SHROOM3: variants seen among roughly 807,000 people sequenced by gnomAD.
The protein encoded by SHROOM3 is shroom family member 3, also known as protein Shroom3.
SHROOM3 carries 47 observed loss-of-function variants against 138.6 expected under a neutral mutation model. The ratio of observed to expected loss-of-function variants is 0.34; its 90% confidence interval spans 0.27 to 0.43. The LOEUF (loss-of-function observed/expected upper bound fraction) is 0.43. Among genes scored for constraint, SHROOM3 ranks in the 20% least tolerant of loss-of-function variants. SHROOM3 has a pLI of 1.00. For synonymous variants in SHROOM3, 1,062 were observed against 1,063.3 expected (o/e 1.00, Z 0.02); for missense variants, 2,491 against 2,596.5 (o/e 0.96, Z 0.88).
chr4:76,556,872 T>C (rs1253400702), intron 2 of SHROOM3, among the ~76,000 whole-genome samples: 1 of 152,188 alleles, frequency 6.6e-6, no homozygotes, highest in Non-Finnish European at 1.5e-5. Context: ...AACACAGCGA[T>C]GACTGTGGTC....
At chr4:76,634,274 A>C (rs1735428113) in intron 2 of SHROOM3, among the ~76,000 whole-genome samples, 1 of 152,156 alleles carries the variant, frequency 6.6e-6, no homozygotes, top group African/African-American at 2.4e-5. Context: ...TTTCCTGAGG[A>C]GTAATAAGCC....
intron 2 of SHROOM3, among the ~76,000 whole-genome samples, chr4:76,619,171 G>A (rs1734946156): frequency 6.6e-6 from 1 of 152,066 alleles, no homozygotes; most frequent in Admixed American, 6.6e-5. Context: ...CTTTTAATCT[G>A]GAACATGTGC....
chr4:76,763,943 G>T (rs1722068129), intron 9 of SHROOM3, among the ~76,000 whole-genome samples: 1 of 152,042 alleles, frequency 6.6e-6, no homozygotes, highest in African/African-American at 2.4e-5. Context: ...AATGATACTT[G>T]GTCAATATCC....
At chr4:76,683,088 A>G (rs1198757156) in intron 2 of SHROOM3, among the ~76,000 whole-genome samples, 1 of 152,240 alleles carries the variant, frequency 6.6e-6, no homozygotes, top group Non-Finnish European at 1.5e-5. Flanking sequence ...AGCCTCTGAT[A>G]ACAAGTATCA....
At chr4:76,436,727 G>T (rs1206320484) in intron 1 of SHROOM3, among the ~76,000 whole-genome samples, 1 of 152,114 alleles carries the variant, frequency 6.6e-6, no homozygotes, top group East Asian at 1.9e-4. Context: ...CATAACTCAA[G>T]ATCAAAACAT....
intron 1 of SHROOM3, among the ~76,000 whole-genome samples, chr4:76,445,160 A>C (rs1001256036): frequency 3.3e-5 from 5 of 152,072 alleles, no homozygotes; most frequent in Non-Finnish European, 7.4e-5. Flanking sequence ...ACATAGTATA[A>C]GCTATGCAAT....
intron 2 of SHROOM3, among the ~76,000 whole-genome samples, chr4:76,669,778 A>G (rs1342846187): frequency 6.6e-6 from 1 of 152,226 alleles, no homozygotes; most frequent in African/African-American, 2.4e-5. Context: ...ACTAAGTCAC[A>G]GAGAATTGCT....
chr4:76,676,407 TAGG>T (rs1250401698), intron 2 of SHROOM3, among the ~76,000 whole-genome samples: 1 of 152,138 alleles, frequency 6.6e-6, no homozygotes, highest in African/African-American at 2.4e-5. Flanking sequence ...ACTTTTCATC[TAGG>T]AGGAAGATTT....
At chr4:76,514,727 A>C (rs187013757) in intron 1 of SHROOM3, among the ~76,000 whole-genome samples, 1 of 152,326 alleles carries the variant, frequency 6.6e-6, no homozygotes, top group East Asian at 1.9e-4. Flanking sequence ...AATATATTAA[A>C]CATTTAAAAT....
rs375629236 is a variant in SHROOM3 at position 76,770,823 on chromosome 4, C to T, written c.5547C>T (p.Leu1849=). The T allele has an allele frequency of 6.2e-7, 1 of 1,614,206 alleles. No individual in the cohort carries two copies. ...GDLDKVVNLL[L]SLSGRLARVE... is the part of the protein sequence containing the mutation. Reference sequence around the variant, plus strand: ...TGGACAAGGTGGTCAACCTGCTGCTCTCCCTCTCGGGGCGTCTAGCCCGTG... The same window carrying T: ...TGGACAAGGTGGTCAACCTGCTGCTTTCCCTCTCGGGGCGTCTAGCCCGTG... The change falls in exon 10 of 11, where the codon CTC becomes CTT. Residue 1849 remains leucine, a synonymous_variant. Coordinates refer to ENST00000296043, the MANE Select transcript of SHROOM3 (RefSeq NM_020859.4).
At chr4:76,539,437 G>A (rs1304769284) in intron 1 of SHROOM3, among the ~76,000 whole-genome samples, 1 of 152,054 alleles carries the variant, frequency 6.6e-6, no homozygotes, top group African/African-American at 2.4e-5. Flanking sequence ...TGCTTCTCAA[G>A]GTGTTTTATA....
At chr4:76,452,000 C>G (rs925563766) in intron 1 of SHROOM3, among the ~76,000 whole-genome samples, 6 of 152,072 alleles carry the variant, frequency 3.9e-5, no homozygotes, top group African/African-American at 1.4e-4. Context: ...GCCACCATGT[C>G]TAGCAGAAAT....
intron 2 of SHROOM3, among the ~76,000 whole-genome samples, chr4:76,602,288 A>G (rs1203347151): frequency 2.0e-5 from 3 of 152,206 alleles, no homozygotes; most frequent in East Asian, 3.8e-4. Flanking sequence ...AAAAAAAATT[A>G]CAAAGTCCTG....
chr4:76,662,713 C>T (rs1718563668), intron 2 of SHROOM3, among the ~76,000 whole-genome samples: 2 of 152,186 alleles, frequency 1.3e-5, no homozygotes, highest in South Asian at 4.1e-4. Flanking sequence ...CGTATACTTT[C>T]CTTCTAAAGA....
chr4:76,559,958 AAC>A (rs1379452648), intron 2 of SHROOM3, among the ~76,000 whole-genome samples: 4 of 152,196 alleles, frequency 2.6e-5, no homozygotes, highest in Non-Finnish European at 5.9e-5. Flanking sequence ...AGTGAAGGTT[AAC>A]AGCTAGTAGT....
Position 76,715,256 on chromosome 4 carries a change from A to G in SHROOM3, c.455+4969A>G, listed in dbSNP as rs138890881. 1.4e-4 allele frequency among the ~76,000 whole-genome samples: 21 copies of G among 152,340 alleles called. No homozygotes were observed. In the East Asian group the frequency reaches 4.0e-3, roughly 29 times the overall value. On this transcript the variant is annotated intron_variant, in intron 3 of 10. Coordinates refer to ENST00000296043, the MANE Select transcript of SHROOM3 (RefSeq NM_020859.4). The stretch of plus-strand genomic sequence containing the variant: ...GGATCTTCTCACTTATCTATAAGAA[A>G]AAAGAAAAGCCAGAAGCTCATTTCC...
chr4:76,465,918 TCTGTG>T (rs1182490486), intron 1 of SHROOM3, among the ~76,000 whole-genome samples: 2 of 152,202 alleles, frequency 1.3e-5, no homozygotes, highest in African/African-American at 4.8e-5. Flanking sequence ...TAGAAAAACA[TCTGTG>T]CCCTAGTGGG....
intron 2 of SHROOM3, among the ~76,000 whole-genome samples, chr4:76,640,571 G>C (rs4859700): frequency 0.24 from 36,050 of 152,148 alleles, 4,427 homozygotes; most frequent in East Asian, 0.37. Flanking sequence ...TATGAGACTT[G>C]CTATTGAGGG....
intron 7 of SHROOM3, 52 bp from the exon 8 acceptor site, chr4:76,756,397 C>A (rs1560616950): frequency 6.7e-7 from 1 of 1,490,112 alleles, no homozygotes; most frequent in Non-Finnish European, 8.9e-7. Flanking sequence ...TCTCTTATCA[C>A]TCTCTCTTTC....
Sources: allele counts gnomAD v4.1 joint callset (sites outside exome capture counted in the v4.1 genomes callset), GRCh38; gene constraint gnomAD v4.1.1; transcripts MANE v1.5; gene names NCBI Gene and HGNC (gene_info 2026-07-23, HGNC 2026-07-21).